CLDN15: variants seen among roughly 807,000 people sequenced by gnomAD.
CLDN15 encodes claudin-15.
Under a neutral mutation model 24.5 loss-of-function variants are expected in CLDN15, and 9 were observed. That is an observed-to-expected ratio of 0.37 (90% confidence interval 0.22 to 0.64). CLDN15 has a LOEUF of 0.64. Among genes scored for constraint, CLDN15 ranks in the 30% least tolerant of loss-of-function variants. The pLI is 0.63. For missense variants in CLDN15, 248 were observed against 305.9 expected (o/e 0.81, Z 1.41); for synonymous variants, 149 against 131.4 (o/e 1.13, Z -0.92).
intron 2 of CLDN15, 58 bp from the exon 3 acceptor site, chr7:101,232,972 G>C (rs2116834497): frequency 1.6e-6 from 2 of 1,248,332 alleles, no homozygotes; most frequent in Non-Finnish European, 2.3e-6. Flanking sequence ...GGGGGAGGGG[G>C]CTTAGGGGAG....
intron 2 of CLDN15, chr7:101,233,756 CCTGG>C (rs1562903892): frequency 5.1e-6 from 1 of 195,308 alleles, no homozygotes; most frequent in Non-Finnish European, 1.0e-5. Context: ...TGCCACCACG[CCTGG>C]CTAATTTTTT....
chr7:101,234,207 T>G (rs1798579795), intron 2 of CLDN15, 71 bp downstream of exon 2: 1 of 1,205,306 alleles, frequency 8.3e-7, no homozygotes, highest in African/African-American at 1.5e-5. Context: ...GAGAGGAGAT[T>G]AGATGAGGAC....
intron 2 of CLDN15, among the ~76,000 whole-genome samples, 153 bp from the exon 3 acceptor site, chr7:101,233,067 G>C (rs1449602382): frequency 6.6e-6 from 1 of 152,078 alleles, no homozygotes; most frequent in Non-Finnish European, 1.5e-5. Flanking sequence ...CCCCACCCCA[G>C]TTTATAAGCC....
chr7:101,232,545 G>C (rs375419311), intron 4 of CLDN15, 30 bp from the exon 5 acceptor site: 30 of 1,598,094 alleles, frequency 1.9e-5, no homozygotes, highest in Non-Finnish European at 2.4e-5. Flanking sequence ...TCAGAGCGGG[G>C]GCGCGGCCCT....
chr7:101,232,156 C>G lies in CLDN15; in HGVS notation c.*254G>C. ...TACACAATACAAACGTGCGGGGACA[C>G]CGTCCCCTTCACAGCCCAGAACCCA... On this transcript the variant is annotated 3_prime_UTR_variant, in exon 5 of 5. Coordinates refer to ENST00000308344, the MANE Select transcript of CLDN15 (RefSeq NM_014343.3). 1.0e-5 allele frequency: 5 copies of G among 483,746 alleles called. No homozygotes were observed. In the Admixed American group the frequency reaches 1.5e-4, roughly 15 times the overall value. The allele number at this position is 483,746 out of a possible 1,614,324, so 30.0% of individuals were successfully genotyped here. A position where few individuals can be genotyped will look rare whatever the true frequency, so the allele number is the denominator to read the frequency against.
chr7:101,236,826 G>A (rs1304388642), intron 1 of CLDN15: 5 of 1,290,900 alleles, frequency 3.9e-6, no homozygotes, highest in Non-Finnish European at 5.1e-6. Context: ...GCCCTTTATA[G>A]ACATCAGCCG....
rs1199986572 is a variant in CLDN15 at position 101,232,404 on chromosome 7, G to C, written c.*6C>G. ...GGAAGACAGCGGGGCCCACGGGCCA[G>C]AGCTGCTACACGTAGGCGTTTCTGC... is the stretch of plus-strand genomic sequence containing the variant. On this transcript the variant is annotated 3_prime_UTR_variant, in exon 5 of 5. Transcript: ENST00000308344. 3.1e-6 allele frequency: 5 copies of C among 1,603,744 alleles called. No individual in the cohort carries two copies. Among genetic ancestry groups the C allele is most frequent in the South Asian group, 1.1e-5 (1 of 90,816 alleles).
At chr7:101,235,594 A>G (rs750520048) in intron 1 of CLDN15, among the ~76,000 whole-genome samples, 6 of 152,152 alleles carry the variant, frequency 3.9e-5, no homozygotes, top group Non-Finnish European at 7.4e-5. Context: ...CAAGCATTCC[A>G]AGGACCTTGC....
chr7:101,232,219 T>TA lies in CLDN15; in HGVS notation c.*190dup. On this transcript the variant is annotated 3_prime_UTR_variant, in exon 5 of 5. Coordinates refer to ENST00000308344, the MANE Select transcript of CLDN15 (RefSeq NM_014343.3). The stretch of plus-strand genomic sequence containing the variant: ...GAGGGATCCAGCCTCAGAGGGGAGA[T>TA]ATGCGACTTCCCAAGAGCAGTTCTT... 1.8e-6 allele frequency: 1 copy of TA among 560,996 alleles called. No homozygotes were observed. The highest frequency in any genetic ancestry group is 2.3e-5 in the South Asian group (1 of 44,040). 34.8% of individuals were successfully genotyped at this position (560,996 alleles called of 1,614,324 possible). A position where few individuals can be genotyped will look rare whatever the true frequency, so the allele number is the denominator to read the frequency against.
chr7:101,236,790 C>T (rs1798633906), intron 1 of CLDN15: 2 of 1,291,210 alleles, frequency 1.5e-6, no homozygotes, highest in Non-Finnish European at 1.0e-6. Flanking sequence ...CAACCTGCAA[C>T]TTGCAAGACG....
chr7:101,235,164 C>T (rs953082007), intron 1 of CLDN15, among the ~76,000 whole-genome samples: 8 of 152,330 alleles, frequency 5.3e-5, no homozygotes, highest in African/African-American at 1.9e-4. Flanking sequence ...GATTCCACTC[C>T]AAGTCCTTCA....
chr7:101,233,534 G>C (rs1036040580), intron 2 of CLDN15, among the ~76,000 whole-genome samples: 1 of 152,120 alleles, frequency 6.6e-6, no homozygotes, highest in African/African-American at 2.4e-5. Context: ...TTTGTTTTTT[G>C]CTGAGACGGG....
chr7:101,237,413 G>A lies in CLDN15; in HGVS notation c.169C>T (p.Leu57=), dbSNP rs757283362. The change falls in exon 1 of 5, where the codon CTG becomes TTG. Residue 57 remains leucine, a synonymous_variant. Coordinates refer to ENST00000308344, the MANE Select transcript of CLDN15 (RefSeq NM_014343.3). This position sits in a 1 kb window ranked among gnomAD's most constrained non-coding sequence, Gnocchi z 4.0. ...AACTCCCAGCAGTTGTAGACGCCCA[G>A]GGAGTCGGTGGCACAGCTAAACCAG... ...NLWFSCATDS[L]GVYNCWEFPS... 3.1e-6 allele frequency: 5 copies of A among 1,613,556 alleles called. No individual in the cohort carries two copies. The highest frequency in any genetic ancestry group is 4.2e-6 in the Non-Finnish European group (5 of 1,179,782).
At chr7:101,236,738 C>G in intron 1 of CLDN15, 1 of 1,291,256 alleles carries the variant, frequency 7.7e-7, no homozygotes. Context: ...TCCTGGAAGC[C>G]CCACACACCT....
chr7:101,237,229 C>A lies in CLDN15; in HGVS notation c.217+136G>T. On this transcript the variant is annotated intron_variant, in intron 1 of 4. Transcript: ENST00000308344. This position sits in a 1 kb window ranked among gnomAD's most constrained non-coding sequence, Gnocchi z 4.0. ...TTCTAGGCATGGGCCGCCCCCAGCA[C>A]TCCTGGCTGCGGGAACTCAGACCCG... 1 of 687,144 alleles carries A rather than the reference C, an allele frequency of 1.5e-6. No individual in the cohort carries two copies. Among genetic ancestry groups the A allele is most frequent in the Non-Finnish European group, 2.6e-6 (1 of 385,822 alleles). 42.6% of individuals were successfully genotyped at this position (687,144 alleles called of 1,614,324 possible). A position where few individuals can be genotyped will look rare whatever the true frequency, so the allele number is the denominator to read the frequency against.
chr7:101,236,361 G>T (rs1798623953), intron 1 of CLDN15, among the ~76,000 whole-genome samples: 1 of 152,152 alleles, frequency 6.6e-6, no homozygotes, highest in Non-Finnish European at 1.5e-5. Flanking sequence ...GAGTAGTGGG[G>T]GCACAGGAGA....
upstream of CLDN15, chr7:101,237,818 G>C: frequency 1.8e-6 from 1 of 565,500 alleles, no homozygotes; most frequent in Non-Finnish European, 3.2e-6. This position sits in a 1 kb window ranked among gnomAD's most constrained non-coding sequence, Gnocchi z 4.0. Context: ...AAGCCTGCGC[G>C]CGGCAGCTGT....
intron 1 of CLDN15, among the ~76,000 whole-genome samples, chr7:101,236,427 C>G (rs7797674): frequency 0.03 from 4,586 of 152,306 alleles, 93 homozygotes; most frequent in Middle Eastern, 0.058. Flanking sequence ...GGGGTGAGCT[C>G]TCAAGCCCCG....
chr7:101,237,422 T>C lies in CLDN15; in HGVS notation c.160A>G (p.Thr54Ala). ...IFENLWFSCA[T>A]DSLGVYNCWE... ...CAGTTGTAGACGCCCAGGGAGTCGG[T>C]GGCACAGCTAAACCAGAGGTTCTCG... The change falls in exon 1 of 5, where the codon ACC (threonine) becomes GCC (alanine). Residue 54 changes from threonine to alanine, a missense_variant. By Grantham distance (58) the Thr-to-Ala change is moderately conservative. Coordinates refer to ENST00000308344, the MANE Select transcript of CLDN15 (RefSeq NM_014343.3). The surrounding 1 kb of genome is among the most constrained non-coding windows in gnomAD (Gnocchi z 4.0). 1 of 1,613,730 alleles carries C rather than the reference T, an allele frequency of 6.2e-7. No homozygotes were observed. Among genetic ancestry groups the C allele is most frequent in the Non-Finnish European group, 8.5e-7 (1 of 1,179,842 alleles).
Sources: gnomAD v4.1 joint callset for allele counts (sites outside exome capture counted in the v4.1 genomes callset) on GRCh38, gnomAD v4.1.1 for gene constraint, Gnocchi (gnomAD v3.1) non-coding constraint, MANE v1.5 for transcripts, NCBI Gene and HGNC (gene_info 2026-07-23, HGNC 2026-07-21) for gene names.